ANKRD36: variants seen among roughly 807,000 people sequenced by gnomAD.
ANKRD36 encodes the protein ankyrin repeat domain 36.
ANKRD36 carries 179 observed loss-of-function variants against 278.1 expected under a neutral mutation model. The observed-to-expected ratio is 0.64, with a 90% CI of 0.57 to 0.73. The LOEUF (loss-of-function observed/expected upper bound fraction) is 0.73, where lower values mean the gene tolerates loss of function less well. Ranked by LOEUF, ANKRD36 falls within the 30% of genes least tolerant of loss-of-function variation. The probability of loss-of-function intolerance (pLI) is 0.00; values close to 1 mark genes in which losing one functional copy is unlikely to be tolerated. For missense variants in ANKRD36, 1,159 were observed against 1,956.7 expected (o/e 0.59, Z 7.69); for synonymous variants, 320 against 641.1 (o/e 0.50, Z 7.57).
chr2:97,124,493 A>C lies in ANKRD36; in HGVS notation c.627A>C (p.Glu209Asp), dbSNP rs1279680090. 6.4e-7 allele frequency: 1 copy of C among 1,551,174 alleles called. No individual in the cohort carries two copies. The highest frequency in any genetic ancestry group is 8.7e-7 in the Non-Finnish European group (1 of 1,146,658). Residue 209 changes from glutamate (E) to aspartate (D), a missense_variant, in exon 5 of 76, where the codon GAA becomes GAC. By Grantham distance (45) the Glu-to-Asp change is conservative. Transcript: ENST00000420699. Reference sequence around the variant, plus strand: ...TCATACATGCTGTTACTCTTGGAGAAAAAGATATAGTCATTCTTCTTCTGC... The same window carrying C: ...TCATACATGCTGTTACTCTTGGAGACAAAGATATAGTCATTCTTCTTCTGC... ...SALIHAVTLGEKDIVILLLQH... is the reference protein window; with the variant it reads ...SALIHAVTLGDKDIVILLLQH...
rs550684804 is a variant in ANKRD36 at position 97,204,015 on chromosome 2, A to T, written c.2960-53A>T. On this transcript the variant is annotated intron_variant, in intron 48 of 75. Transcript: ENST00000420699. ...ATGCTAACACTGCATGAATGTATGG[A>T]TAATTTTGTCATTTTTACATATGAG... The T allele has an allele frequency of 8.5e-5, 131 of 1,545,776 alleles. 6 individuals carry two copies. The South Asian group carries it at 1.5e-3, about 18-fold the overall frequency.
intron 72 of ANKRD36, 200 bp from the exon 73 acceptor site, chr2:97,248,944 T>TA (rs2075678935): frequency 9.3e-6 from 3 of 323,902 alleles, no homozygotes; most frequent in Non-Finnish European, 1.7e-5. Context: ...ATATGCAGAC[T>TA]GAAGGGGTGT....
intron 6 of ANKRD36, among the ~76,000 whole-genome samples, chr2:97,140,855 G>A (rs1229021356): frequency 6.6e-6 from 1 of 151,870 alleles, no homozygotes; most frequent in East Asian, 1.9e-4. Context: ...GTCAAATTAG[G>A]CAAACAAAGA....
intron 20 of ANKRD36, among the ~76,000 whole-genome samples, 175 bp downstream of exon 20, chr2:97,164,644 A>G (rs2050142859): frequency 6.6e-6 from 1 of 152,278 alleles, no homozygotes; most frequent in Non-Finnish European, 1.5e-5. Flanking sequence ...CATAAGGCGG[A>G]CATTTTACAC....
At chr2:97,226,416 A>G in intron 67 of ANKRD36, among the ~76,000 whole-genome samples, 1 of 150,950 alleles carries the variant, frequency 6.6e-6, no homozygotes, top group Non-Finnish European at 1.5e-5. Flanking sequence ...GGCTGCATAA[A>G]TGTCTTCTTT....
intron 42 of ANKRD36, among the ~76,000 whole-genome samples, chr2:97,197,796 C>G (rs1440495842): frequency 6.6e-6 from 1 of 151,810 alleles, no homozygotes; most frequent in Non-Finnish European, 1.5e-5. Context: ...AAGATACTAT[C>G]CTTTGGTGCC....
intron 12 of ANKRD36, among the ~76,000 whole-genome samples, chr2:97,150,527 T>C (rs978151007): frequency 2.6e-5 from 4 of 152,238 alleles, no homozygotes; most frequent in African/African-American, 7.2e-5. Context: ...GGTAACCTAA[T>C]ATGCATGACA....
In ANKRD36 at chr2:97,194,914, A is replaced by C. The variant is rs1402089187; in HGVS notation, c.2548A>C (p.Lys850Gln). 8 of 1,549,318 alleles carry C rather than the reference A, an allele frequency of 5.2e-6. No individual in the cohort carries two copies. Among genetic ancestry groups the C allele is most frequent in the Admixed American group, 1.9e-5 (1 of 51,324 alleles). The change falls in exon 40 of 76, where the codon AAA (lysine) becomes CAA (glutamine). Residue 850 changes from lysine to glutamine, a missense_variant. Physicochemically the swap from Lys to Gln is moderately conservative, Grantham distance 53. Coordinates refer to ENST00000420699, the MANE Select transcript of ANKRD36 (RefSeq NM_001354587.1). ...RGKKDGEISR[K>Q]VSSQKPPTLK... is the part of the protein sequence containing the mutation. ...AAAAAAGGATGGAGAAATATCTAGG[A>C]AAGGTAATTTTGCGAAACACATTTA...
Position 97,179,860 on chromosome 2 carries a change from G to A in ANKRD36, c.1663-1G>A. 6.2e-7 allele frequency: 1 copy of A among 1,604,566 alleles called. No homozygotes were observed. Among genetic ancestry groups the A allele is most frequent in the Non-Finnish European group, 8.5e-7 (1 of 1,178,310 alleles). ...ATTATTTTGCTTCAAATCCCATTCA[G>A]GCTACAAGTGACGACAAAGATTCTG... On this transcript the variant is annotated splice_acceptor_variant, in intron 23 of 75. Transcript: ENST00000420699. LOFTEE classifies it high-confidence loss of function.
At chr2:97,176,260 A>C (rs1239348821) in intron 22 of ANKRD36, among the ~76,000 whole-genome samples, 1 of 150,890 alleles carries the variant, frequency 6.6e-6, no homozygotes, top group African/African-American at 2.4e-5. Context: ...TGGGAGTCTA[A>C]GTCTCTTTGT....
Position 97,219,068 on chromosome 2 carries a change from C to T in ANKRD36, c.3794C>T (p.Pro1265Leu), listed in dbSNP as rs1293571603. Residue 1265 changes from proline to leucine, a missense_variant, in exon 65 of 76, where the codon CCC (proline) becomes CTC (leucine). Physicochemically the swap from Pro to Leu is moderately conservative, Grantham distance 98. Transcript: ENST00000420699. ...KSGTEYPENL[P>L]TLKATIENKN... ...TTGTTAGAGTATCCTGAGAATCTGC[C>T]CACCTTGAAGGTAATTACTCTTACA... The T allele has an allele frequency of 3.2e-6, 5 of 1,542,864 alleles. No homozygotes were observed. The African/African-American group carries it at 5.5e-5, about 17-fold the overall frequency.
chr2:97,199,777 A>G (rs1423519044), intron 44 of ANKRD36, among the ~76,000 whole-genome samples: 89 of 151,878 alleles, frequency 5.9e-4, no homozygotes, highest in Non-Finnish European at 2.9e-5. Flanking sequence ...AATATTATGT[A>G]CTAGGTATCA....
intron 36 of ANKRD36, among the ~76,000 whole-genome samples, chr2:97,192,646 T>C (rs1210554684): frequency 1.3e-5 from 2 of 151,776 alleles, no homozygotes; most frequent in Non-Finnish European, 2.9e-5. Flanking sequence ...TTATACCATG[T>C]TTGAAATTGT....
intron 12 of ANKRD36, among the ~76,000 whole-genome samples, chr2:97,150,088 T>G (rs949686969): frequency 4.6e-5 from 7 of 151,870 alleles, no homozygotes; most frequent in African/African-American, 7.2e-5. Context: ...CAAATTCTGT[T>G]CTCAAATCTG....
At chr2:97,139,094 T>A (rs1389686856) in intron 6 of ANKRD36, among the ~76,000 whole-genome samples, 2 of 151,972 alleles carry the variant, frequency 1.3e-5, no homozygotes, top group Non-Finnish European at 2.9e-5. Context: ...CTAACTAAAC[T>A]AAAGAACTTG....
chr2:97,189,252 T>C lies in ANKRD36; in HGVS notation c.2207T>C (p.Ile736Thr), dbSNP rs2058051798. The C allele has an allele frequency of 2.6e-6, 2 of 759,488 alleles. No homozygotes were observed. The highest frequency in any genetic ancestry group is 2.8e-5 in the African/African-American group (2 of 70,442). 47.0% of individuals were successfully genotyped at this position (759,488 alleles called of 1,614,324 possible). ...TTDEEDSVSN[I>T]ATEIKDGEKS... is the part of the protein sequence containing the mutation. ...GACGAGGAAGATTCTGTTTCGAATA[T>C]AGCCACAGAAATAAAGGATGGAGAA... The change falls in exon 34 of 76, where the codon ATA (isoleucine) becomes ACA (threonine). Residue 736 changes from isoleucine (I) to threonine (T), a missense_variant. Ile to Thr is a moderately conservative substitution (Grantham distance 89, BLOSUM62 -1). Transcript: ENST00000420699.
At chr2:97,193,516 A>C (rs2058995328) in intron 38 of ANKRD36, among the ~76,000 whole-genome samples, 1 of 128,220 alleles carries the variant, frequency 7.8e-6, no homozygotes, top group South Asian at 2.3e-4. Context: ...ACGGATTGTG[A>C]GGCAGGAAGG....
rs748201167 is a variant in ANKRD36, at chr2:97,205,981, C to G, written c.3090+13C>G. On this transcript the variant is annotated intron_variant, in intron 51 of 75. Transcript: ENST00000420699. ...ACCAACCTTGAAGGTAATGAAACTC[C>G]CATTTATATTGTGAACGAGTTAATA... 3 of 1,553,206 alleles carry G rather than the reference C, an allele frequency of 1.9e-6. No individual in the cohort carries two copies. The South Asian group carries it at 3.5e-5, about 18-fold the overall frequency.
intron 28 of ANKRD36, 97 bp from the exon 29 acceptor site, chr2:97,185,219 G>C: frequency 6.7e-7 from 1 of 1,493,238 alleles, no homozygotes; most frequent in Admixed American, 1.8e-5. Flanking sequence ...TACTAATACA[G>C]GCAGGAGCAT....
Sources: allele counts gnomAD v4.1 joint callset (sites outside exome capture counted in the v4.1 genomes callset), GRCh38; gene constraint gnomAD v4.1.1; transcripts MANE v1.5; gene names NCBI Gene and HGNC (gene_info 2026-07-23, HGNC 2026-07-21).